The following MYO1G variants were observed in gnomAD, a reference collection of about 807,000 sequenced individuals.
MYO1G encodes the protein myosin IG, also known as unconventional myosin-Ig.
In MYO1G, 65 loss-of-function variants were observed where a neutral mutation model predicts 115.3. The ratio of observed to expected loss-of-function variants is 0.56; its 90% CI spans 0.46 to 0.69. The LOEUF (loss-of-function observed/expected upper bound fraction) is 0.69, where lower values mean the gene tolerates loss of function less well. Ranked by LOEUF, MYO1G falls within the 30% of genes least tolerant of loss-of-function variation. The probability of loss-of-function intolerance (pLI) is 0.00; values close to 1 mark genes in which losing one functional copy is unlikely to be tolerated. For missense variants in MYO1G, 1,204 were observed against 1,393.5 expected, an observed-to-expected ratio of 0.86 and a Z score of 2.16; for synonymous variants, 510 against 552.6, an observed-to-expected ratio of 0.92 and a Z score of 1.08.
chr7:44,963,989 G>T lies in MYO1G; in HGVS notation c.2745+60C>A. The T allele has an allele frequency of 1.2e-5, 16 of 1,340,376 alleles. No homozygotes were observed. Among genetic ancestry groups the T allele is most frequent in the Non-Finnish European group, 1.7e-5 (16 of 958,112 alleles). 83.0% of individuals were successfully genotyped at this position (1,340,376 alleles called of 1,614,324 possible). On this transcript the variant is annotated intron_variant, in intron 20 of 21. Coordinates refer to ENST00000258787, the MANE Select transcript of MYO1G (RefSeq NM_033054.3). The surrounding 1 kb of genome is among the most constrained non-coding windows in gnomAD (Gnocchi z 4.1). ...GGAGAGAAGACTGAGGCAGGACTCT[G>T]AGCAGCCCAGCAGTGCCCCTCACAG...
chr7:44,967,612 G>A lies in MYO1G; in HGVS notation c.1775C>T (p.Ala592Val), dbSNP rs759166174. Reference protein sequence around the residue: ...NSMVALVENLASKEPFYVRCI... With the variant: ...NSMVALVENLVSKEPFYVRCI... ...GAGAGGGGTGGAACATACCTTGGAGGCAAGGTTCTCCACCAGGGCCACCAT... is the reference window on the plus strand; with the variant it reads ...GAGAGGGGTGGAACATACCTTGGAGACAAGGTTCTCCACCAGGGCCACCAT... The change falls in exon 14 of 22, where the codon GCC becomes GTC. Residue 592 changes from alanine to valine, a missense_variant. Transcript: ENST00000258787. 6.2e-7 allele frequency: 1 copy of A among 1,613,846 alleles called. No homozygotes were observed. The highest frequency in any genetic ancestry group is 1.7e-5 in the Admixed American group (1 of 60,034).
intron 7 of MYO1G, 67 bp downstream of exon 7, chr7:44,971,606 T>C: frequency 1.7e-6 from 2 of 1,203,708 alleles, no homozygotes; most frequent in South Asian, 2.8e-5. Flanking sequence ...TCCTCATCCC[T>C]GGGTGCTTCC....
rs1181024277 is a variant in MYO1G at position 44,963,074 on chromosome 7, G to A, written c.2796C>T (p.His932=). 3 of 1,520,234 alleles carry A rather than the reference G, an allele frequency of 2.0e-6. No homozygotes were observed. Among genetic ancestry groups the A allele is most frequent in the African/African-American group, 2.8e-5 (2 of 70,436 alleles). The allele number at this position is 1,520,234 out of a possible 1,614,324, so 94.2% of individuals were successfully genotyped here. A position where few individuals can be genotyped will look rare whatever the true frequency, so the allele number is the denominator to read the frequency against. The change falls in exon 21 of 22, where the codon CAC becomes CAT. Residue 932 remains histidine (H), a synonymous_variant. Transcript: ENST00000258787. This position sits in a 1 kb window ranked among gnomAD's most constrained non-coding sequence, Gnocchi z 4.1. ...TSGGDQLVVL[H]ARGQDDLVVC... is the part of the protein sequence containing the mutation. ...CCACGAGGTCGTCCTGGCCGCGGGCGTGCAGCACCACCAGCTGGTCTCCTC... is the reference window on the plus strand; with the variant it reads ...CCACGAGGTCGTCCTGGCCGCGGGCATGCAGCACCACCAGCTGGTCTCCTC...
rs1205032457 is a variant in MYO1G, at chr7:44,964,208, CA to C, written c.2632-47del. 9.3e-6 allele frequency: 14 copies of C among 1,510,012 alleles called. No individual in the cohort carries two copies. Among genetic ancestry groups the C allele is most frequent in the Non-Finnish European group, 1.2e-5 (13 of 1,105,874 alleles). 93.5% of individuals were successfully genotyped at this position (1,510,012 alleles called of 1,614,324 possible). Reference sequence around the variant, plus strand: ...CCCAGGCTGGTGCTGCCCTGTCACCCACCAGGGCCCCAGGCTTCGGCAGTCC... The same window carrying C: ...CCCAGGCTGGTGCTGCCCTGTCACCCCCAGGGCCCCAGGCTTCGGCAGTCC... On this transcript the variant is annotated intron_variant, in intron 19 of 21. Transcript: ENST00000258787. This position sits in a 1 kb window ranked among gnomAD's most constrained non-coding sequence, Gnocchi z 5.1.
intron 4 of MYO1G, 115 bp from the exon 5 acceptor site, chr7:44,975,342 G>T: frequency 6.7e-7 from 1 of 1,494,112 alleles, no homozygotes; most frequent in Non-Finnish European, 9.3e-7. Context: ...CTGACTATGA[G>T]GACACTGAGG....
In MYO1G at chr7:44,963,171, C is replaced by G; in HGVS notation, c.2746-47G>C. The G allele has an allele frequency of 7.2e-7, 1 of 1,388,926 alleles. No homozygotes were observed. Among genetic ancestry groups the G allele is most frequent in the Non-Finnish European group, 9.3e-7 (1 of 1,076,410 alleles). 86.0% of individuals were successfully genotyped at this position (1,388,926 alleles called of 1,614,324 possible). On this transcript the variant is annotated intron_variant, in intron 20 of 21. Transcript: ENST00000258787. This position sits in a 1 kb window ranked among gnomAD's most constrained non-coding sequence, Gnocchi z 4.1. ...AGTGCAGCCGCCTCAACCCGCACCCCAGCCTAGCCGGACTCACCCCCTCCC... is the reference window on the plus strand; with the variant it reads ...AGTGCAGCCGCCTCAACCCGCACCCGAGCCTAGCCGGACTCACCCCCTCCC...
At chr7:44,972,247 T>C in intron 5 of MYO1G, 22 bp from the exon 6 acceptor site, 1 of 1,576,246 alleles carries the variant, frequency 6.3e-7, no homozygotes, top group Non-Finnish European at 8.7e-7. Flanking sequence ...AGGCATCCTT[T>C]AGACAAATAA....
chr7:44,964,444 C>A lies in MYO1G; in HGVS notation c.2602G>T (p.Ala868Ser). Residue 868 changes from alanine (A) to serine (S), a missense_variant, in exon 19 of 22, where the codon GCT becomes TCT. By Grantham distance (99) the Ala-to-Ser change is moderately conservative (BLOSUM62 1). Transcript: ENST00000258787. The surrounding 1 kb of genome is among the most constrained non-coding windows in gnomAD (Gnocchi z 5.1). The stretch of plus-strand genomic sequence containing the variant: ...CGGACATGGCTTGAAAAGAGCACAG[C>A]CCCGAAGCCATCTTTGTCCTGAAGT... ...KTLQDKDGFG[A>S]VLFSSHVRKV... 7 of 1,613,790 alleles carry A rather than the reference C, an allele frequency of 4.3e-6. No individual in the cohort carries two copies. The highest frequency in any genetic ancestry group is 5.9e-6 in the Non-Finnish European group (7 of 1,179,796).
Position 44,976,881 on chromosome 7 carries a change from T to C in MYO1G, c.286A>G (p.Thr96Ala), listed in dbSNP as rs752474007. ...YKAMKHRSRDTCIVISGESGA... is the reference protein window; with the variant it reads ...YKAMKHRSRDACIVISGESGA... ...CAGGTACCTGAGATGACGATGCAGGTGTCCCTGGACCGGTGCTTCATTGCC... is the reference window on the plus strand; with the variant it reads ...CAGGTACCTGAGATGACGATGCAGGCGTCCCTGGACCGGTGCTTCATTGCC... Residue 96 changes from threonine to alanine, a missense_variant, in exon 2 of 22, where the codon ACC (threonine) becomes GCC (alanine). Transcript: ENST00000258787. The C allele has an allele frequency of 1.2e-6, 2 of 1,613,354 alleles. No individual in the cohort carries two copies. Among genetic ancestry groups the C allele is most frequent in the Non-Finnish European group, 1.7e-6 (2 of 1,180,010 alleles).
In MYO1G at chr7:44,964,271, A is replaced by G; in HGVS notation, c.2632-109T>C. 1 of 1,290,598 alleles carries G rather than the reference A, an allele frequency of 7.7e-7. No homozygotes were observed. Among genetic ancestry groups the G allele is most frequent in the Non-Finnish European group, 1.1e-6 (1 of 906,690 alleles). The allele number at this position is 1,290,598 out of a possible 1,614,324, so 79.9% of individuals were successfully genotyped here. On this transcript the variant is annotated intron_variant, in intron 19 of 21. Coordinates refer to ENST00000258787, the MANE Select transcript of MYO1G (RefSeq NM_033054.3). This position sits in a 1 kb window ranked among gnomAD's most constrained non-coding sequence, Gnocchi z 5.1. ...CCTCCCCGCTGGCGACAGTTTTGGGAGTGTCAGGAGCAGCTGGGCCTGGGC... is the reference window on the plus strand; with the variant it reads ...CCTCCCCGCTGGCGACAGTTTTGGGGGTGTCAGGAGCAGCTGGGCCTGGGC...
intron 9 of MYO1G, among the ~76,000 whole-genome samples, chr7:44,970,355 T>A (rs191364938): frequency 6.6e-6 from 1 of 152,034 alleles, no homozygotes; most frequent in East Asian, 1.9e-4. Flanking sequence ...CGTTCTGGAG[T>A]GGACTTGGGA....
At chr7:44,978,317 C>T (rs1419639120) in intron 1 of MYO1G, among the ~76,000 whole-genome samples, 1 of 152,208 alleles carries the variant, frequency 6.6e-6, no homozygotes, top group Non-Finnish European at 1.5e-5. Flanking sequence ...CAACTGTGTC[C>T]TGTGATACTC....
chr7:44,967,552 G>A, intron 14 of MYO1G, 53 bp downstream of exon 14: 1 of 1,609,630 alleles, frequency 6.2e-7, no homozygotes, highest in Non-Finnish European at 8.5e-7. Flanking sequence ...TGGCACCGAG[G>A]GCACAGAGAG....
chr7:44,971,981 C>G (rs1050373243), intron 6 of MYO1G, 134 bp downstream of exon 6: 4 of 802,874 alleles, frequency 5.0e-6, no homozygotes, highest in Non-Finnish European at 4.2e-6. Context: ...TTTCACTCCA[C>G]CCCGAGCACC....
rs1025060615 is a variant in MYO1G, at chr7:44,964,650, C to T, written c.2527-131G>A. ...GGAAACTGAGTCACACAGACTTGTG[C>T]GTGAGCTGAGCAGCCCTGGATTTCC... On this transcript the variant is annotated intron_variant, in intron 18 of 21. Transcript: ENST00000258787. The surrounding 1 kb of genome is among the most constrained non-coding windows in gnomAD (Gnocchi z 5.1). The T allele has an allele frequency of 2.0e-5, 17 of 840,722 alleles. No individual in the cohort carries two copies. Among genetic ancestry groups the T allele is most frequent in the Middle Eastern group, 3.1e-4 (1 of 3,226 alleles). The allele number at this position is 840,722 out of a possible 1,614,324, so 52.1% of individuals were successfully genotyped here.
intron 6 of MYO1G, 130 bp from the exon 7 acceptor site, chr7:44,971,919 C>T (rs1405297581): frequency 1.3e-6 from 1 of 780,868 alleles, no homozygotes; most frequent in Admixed American, 2.2e-5. Context: ...AACCTGATTA[C>T]TCCAGCCTAA....
At chr7:44,970,180 G>C (rs754882546) in intron 9 of MYO1G, 26 bp from the exon 10 acceptor site, 1 of 1,506,096 alleles carries the variant, frequency 6.6e-7, no homozygotes, top group Admixed American at 1.7e-5. Context: ...GCCTTTCAGA[G>C]GGGAGGTCGC....
chr7:44,963,332 C>G lies in MYO1G; in HGVS notation c.2746-208G>C, dbSNP rs1049275359. The G allele has an allele frequency of 3.6e-6, 2 of 552,324 alleles. No individual in the cohort carries two copies. Among genetic ancestry groups the G allele is most frequent in the African/African-American group, 2.0e-5 (1 of 49,592 alleles). The allele number at this position is 552,324 out of a possible 1,614,324, so 34.2% of individuals were successfully genotyped here. On this transcript the variant is annotated intron_variant, in intron 20 of 21. Coordinates refer to ENST00000258787, the MANE Select transcript of MYO1G (RefSeq NM_033054.3). This position sits in a 1 kb window ranked among gnomAD's most constrained non-coding sequence, Gnocchi z 4.1. ...AGCTTGGGCGGGACGCTGCACAATA[C>G]GATTTTCTCCAGGACTGATGGTTCT...
Position 44,963,241 on chromosome 7 carries a change from CCCTCGCCAGGGCCA to C in MYO1G, c.2746-131_2746-118del. 7.8e-7 allele frequency: 1 copy of C among 1,274,974 alleles called. No individual in the cohort carries two copies. Among genetic ancestry groups the C allele is most frequent in the Non-Finnish European group, 1.0e-6 (1 of 978,722 alleles). 79.0% of individuals were successfully genotyped at this position (1,274,974 alleles called of 1,614,324 possible). ...CCCCAACCGCACCCGGGGAGCGCCG[CCCTCGCCAGGGCCA>C]CCAGCCCCCCACCGCCCCCTCCTCC... On this transcript the variant is annotated intron_variant, in intron 20 of 21. Transcript: ENST00000258787. The surrounding 1 kb of genome is among the most constrained non-coding windows in gnomAD (Gnocchi z 4.1).
Sources: gnomAD v4.1 joint callset for allele counts (sites outside exome capture counted in the v4.1 genomes callset) on GRCh38, gnomAD v4.1.1 for gene constraint, Gnocchi (gnomAD v3.1) non-coding constraint, MANE v1.5 for transcripts, NCBI Gene and HGNC (gene_info 2026-07-23, HGNC 2026-07-21) for gene names.